Variants in NLRC5 observed in about 807,000 individuals in gnomAD.
NLRC5 encodes the protein NLR family CARD domain containing 5.
A neutral mutation model predicts 206.9 loss-of-function variants in NLRC5; 114 were observed. The ratio of observed to expected loss-of-function variants is 0.55; its 90% CI spans 0.47 to 0.64. NLRC5 has a LOEUF of 0.64. Among genes scored for constraint, NLRC5 ranks in the 30% least tolerant of loss-of-function variants. The pLI is 0.00. For missense variants in NLRC5, 2,008 were observed against 2,305.5 expected, an observed-to-expected ratio of 0.87 and a Z score of 2.64; for synonymous variants, 952 against 962.8, an observed-to-expected ratio of 0.99 and a Z score of 0.21.
At chr16:57,014,329 C>G (rs2059805907) in intron 1 of NLRC5, among the ~76,000 whole-genome samples, 2 of 152,104 alleles carry the variant, frequency 1.3e-5, no homozygotes, top group African/African-American at 4.8e-5. Context: ...CAATTTTTTT[C>G]CATTTTTAAT....
At position 56,999,141 on chromosome 16, in the gene NLRC5, G is replaced by A. The variant is rs114793056; in HGVS notation, c.-128+9524G>A. On this transcript the variant is annotated intron_variant, in intron 1 of 48. Transcript: ENST00000688547. ...CATTCTCTTGGGTCTCTTTTATAAG[G>A]GCATCAATCCCATTCACTACGGCTC... Among the ~76,000 whole-genome samples, 933 of 152,260 alleles carry A rather than the reference G, an allele frequency of 6.1e-3. 7 individuals carry two copies. The highest frequency in any genetic ancestry group is 0.021 in the African/African-American group (867 of 41,552).
intron 1 of NLRC5, among the ~76,000 whole-genome samples, chr16:57,004,894 C>T (rs148970844): frequency 3.2e-4 from 49 of 152,214 alleles, no homozygotes; most frequent in African/African-American, 1.0e-3. Context: ...ACTCAGAGCC[C>T]CCATAAATCT....
At chr16:57,071,565 G>A (rs2067777095) in intron 38 of NLRC5, among the ~76,000 whole-genome samples, 1 of 136,208 alleles carries the variant, frequency 7.3e-6, no homozygotes, top group Non-Finnish European at 1.6e-5. Context: ...TGAGTGAGTG[G>A]TGGTGGTGGT....
rs2142999158 is a variant in NLRC5, at chr16:57,025,993, G to T, written c.1050G>T (p.Lys350Asn). The change falls in exon 6 of 49, where the codon AAG becomes AAT. Residue 350 changes from lysine (K) to asparagine (N), a missense_variant. Transcript: ENST00000688547. Reference protein sequence around the residue: ...CRVMATSRPGKLPACLPAEAA... With the variant: ...CRVMATSRPGNLPACLPAEAA... ...TGATGGCTACCTCCCGTCCAGGGAA[G>T]CTGCCTGCCTGCCTGCCTGCAGAGG... 6.2e-7 allele frequency: 1 copy of T among 1,613,914 alleles called. No individual in the cohort carries two copies. Among genetic ancestry groups the T allele is most frequent in the South Asian group, 1.1e-5 (1 of 91,090 alleles).
intron 1 of NLRC5, chr16:56,991,896 T>C (rs1333893778): frequency 6.6e-6 from 1 of 152,160 alleles, no homozygotes; most frequent in Admixed American, 6.5e-5. Flanking sequence ...CCTCCTAACG[T>C]GACCTTATTT....
chr16:57,071,970 C>A (rs746574408), intron 38 of NLRC5, among the ~76,000 whole-genome samples: 10 of 152,012 alleles, frequency 6.6e-5, no homozygotes, highest in Non-Finnish European at 1.3e-4. Flanking sequence ...CCTTACATGA[C>A]CTTTTACTTT....
chr16:57,081,496 C>T (rs760832756), intron 47 of NLRC5, 31 bp from the exon 48 acceptor site: 3 of 1,605,318 alleles, frequency 1.9e-6, no homozygotes, highest in African/African-American at 1.3e-5. Context: ...CCGTGTTTCT[C>T]TTTCCCCTCC....
intron 1 of NLRC5, among the ~76,000 whole-genome samples, chr16:57,006,861 T>A (rs1306338240): frequency 1.4e-5 from 2 of 148,124 alleles, no homozygotes; most frequent in Non-Finnish European, 3.0e-5. Flanking sequence ...ACACATTTTT[T>A]GAGACAGGGT....
intron 22 of NLRC5, among the ~76,000 whole-genome samples, chr16:57,047,035 C>T (rs2064073978): frequency 6.6e-6 from 1 of 152,220 alleles, no homozygotes; most frequent in Non-Finnish European, 1.5e-5. Context: ...CTGTGAGACC[C>T]TGACTTGGCC....
At chr16:56,994,269 A>G (rs1339848358) in intron 1 of NLRC5, among the ~76,000 whole-genome samples, 5 of 152,198 alleles carry the variant, frequency 3.3e-5, no homozygotes, top group African/African-American at 9.7e-5. Flanking sequence ...GATGACTCCC[A>G]GAAACTTCTT....
At chr16:57,058,668 C>T (rs1454937092) in intron 28 of NLRC5, among the ~76,000 whole-genome samples, 3 of 152,192 alleles carry the variant, frequency 2.0e-5, no homozygotes, top group East Asian at 3.9e-4. Context: ...GCTTCGTGCT[C>T]GGGAGTCCTT....
chr16:57,043,381 T>C (rs1567590100), intron 19 of NLRC5, 134 bp from the exon 20 acceptor site: 1 of 762,314 alleles, frequency 1.3e-6, no homozygotes, highest in East Asian at 2.4e-5. Context: ...CAAGGGGTGC[T>C]CTCTGACCAT....
chr16:57,070,550 A>G lies in NLRC5; in HGVS notation c.4599A>G (p.Gln1533=), dbSNP rs1392072409. ...TCTTCTGCAGCTTGTCTAACAATCAATTTGATGAGGAGGGCACCAAGGCGC... is the reference window on the plus strand; with the variant it reads ...TCTTCTGCAGCTTGTCTAACAATCAGTTTGATGAGGAGGGCACCAAGGCGC... ...HLEELDLSNN[Q]FDEEGTKALM... is the part of the protein sequence containing the mutation. The change falls in exon 38 of 49, where the codon CAA becomes CAG. Residue 1533 remains glutamine (Q), a synonymous_variant. Coordinates refer to ENST00000688547, the MANE Select transcript of NLRC5 (RefSeq NM_001384950.1). The G allele has an allele frequency of 6.2e-7, 1 of 1,613,720 alleles. No individual in the cohort carries two copies. Among genetic ancestry groups the G allele is most frequent in the Non-Finnish European group, 8.5e-7 (1 of 1,179,770 alleles).
rs376802882 is a variant in NLRC5, at chr16:57,077,288, C to G, written c.4836-8C>G. On this transcript the variant is annotated splice_region_variant and splice_polypyrimidine_tract_variant and intron_variant, in intron 40 of 48. Transcript: ENST00000688547. ...CAGAAGGCTGATGAAGCTGTTTTCT[C>G]CCCCAAGCTTGAGCCACAACCAGAT... is the stretch of plus-strand genomic sequence containing the variant. 5 of 1,613,344 alleles carry G rather than the reference C, an allele frequency of 3.1e-6. No homozygotes were observed. In the Admixed American group the frequency reaches 5.0e-5, roughly 16 times the overall value.
rs765482594 is a variant in NLRC5, at chr16:57,079,050, C to T, written c.5082C>T (p.His1694=). 8 of 1,613,758 alleles carry T rather than the reference C, an allele frequency of 5.0e-6. No homozygotes were observed. The highest frequency in any genetic ancestry group is 2.2e-5 in the East Asian group (1 of 44,890). The change falls in exon 44 of 49, where the codon CAC becomes CAT. Residue 1694 remains histidine, a splice_region_variant and synonymous_variant. Transcript: ENST00000688547. The stretch of plus-strand genomic sequence containing the variant: ...CTCTCACCCTCTCCTCTTTCCCCAG[C>T]CTACCATTCAGCCATCTGGGCCCAG... The part of the protein sequence containing the change: ...QELPQHLRVL[H]LPFSHLGPGG...
At chr16:57,028,676 G>C (rs1343075966) in intron 8 of NLRC5, among the ~76,000 whole-genome samples, 1 of 152,200 alleles carries the variant, frequency 6.6e-6, no homozygotes, top group African/African-American at 2.4e-5. Flanking sequence ...ATAGCAGTGC[G>C]TAGGCAGGAA....
intron 20 of NLRC5, chr16:57,043,882 G>T: frequency 4.4e-6 from 2 of 449,446 alleles, no homozygotes; most frequent in African/African-American, 2.6e-5. Context: ...AGTCCTTAGA[G>T]ATTTTTTTTT....
chr16:57,071,310 GAT>G (rs2067717150), intron 38 of NLRC5, among the ~76,000 whole-genome samples: 1 of 135,596 alleles, frequency 7.4e-6, no homozygotes, highest in Non-Finnish European at 1.6e-5. Context: ...AGTGAGTGGT[GAT>G]GGTTGGTTAA....
chr16:57,018,396 G>T (rs190175590), intron 2 of NLRC5, among the ~76,000 whole-genome samples: 9 of 152,350 alleles, frequency 5.9e-5, no homozygotes, highest in Non-Finnish European at 1.0e-4. Context: ...CACACCCTTT[G>T]CCCTTCCTTG....
Sources: allele counts gnomAD v4.1 joint callset (sites outside exome capture counted in the v4.1 genomes callset), GRCh38; gene constraint gnomAD v4.1.1; transcripts MANE v1.5; gene names NCBI Gene and HGNC (gene_info 2026-07-23, HGNC 2026-07-21).